Variants in ADAMTS12 observed in about 807,000 individuals in gnomAD.
ADAMTS12 encodes the protein ADAM metallopeptidase with thrombospondin type 1 motif 12.
Under a neutral mutation model 167.8 loss-of-function variants are expected in ADAMTS12, and 118 were observed. The ratio of observed to expected loss-of-function variants is 0.70; its 90% CI spans 0.61 to 0.82. The LOEUF is 0.82. ADAMTS12 is among the 40% of genes least tolerant of loss of function. ADAMTS12 has a pLI of 0.00. For missense variants in ADAMTS12, 1,916 were observed against 1,998.8 expected, an observed-to-expected ratio of 0.96 and a Z score of 0.79; for synonymous variants, 704 against 716.9, an observed-to-expected ratio of 0.98 and a Z score of 0.29.
intron 3 of ADAMTS12, among the ~76,000 whole-genome samples, chr5:33,718,417 C>T (rs948800162): frequency 6.6e-6 from 1 of 152,174 alleles, no homozygotes; most frequent in Non-Finnish European, 1.5e-5. Flanking sequence ...TGCCTCCTAT[C>T]AGATCAGCAG....
In ADAMTS12 at chr5:33,576,333, A is replaced by G. The variant is rs746767956; in HGVS notation, c.3693T>C (p.Thr1231=). 2.5e-6 allele frequency: 4 copies of G among 1,614,146 alleles called. No homozygotes were observed. The highest frequency in any genetic ancestry group is 8.5e-7 in the Non-Finnish European group (1 of 1,180,012). Residue 1231 remains threonine (T), a synonymous_variant, in exon 19 of 24, where the codon ACT becomes ACC. Coordinates refer to ENST00000504830, the MANE Select transcript of ADAMTS12 (RefSeq NM_030955.4). ...CCATCCCCTCAACTCTGGGTGTCCC[A>G]GTTTCGGAAGTAGTGGGCCTTTGGC... ...LPSQRPTTSE[T]GTPRVEGMVT...
chr5:33,649,773 A>G (rs766670892), intron 7 of ADAMTS12, 76 bp from the exon 8 acceptor site: 22 of 1,558,148 alleles, frequency 1.4e-5, no homozygotes, highest in Non-Finnish European at 1.8e-5. Flanking sequence ...AGTTTCCCTA[A>G]GAGCGTAATA....
chr5:33,716,156 G>A (rs987592121), intron 3 of ADAMTS12, among the ~76,000 whole-genome samples: 2 of 152,034 alleles, frequency 1.3e-5, no homozygotes, highest in African/African-American at 4.8e-5. Flanking sequence ...AATGGGATTA[G>A]TGCCCTTATA....
chr5:33,849,912 A>G (rs1749158279), intron 2 of ADAMTS12, among the ~76,000 whole-genome samples: 1 of 151,986 alleles, frequency 6.6e-6, no homozygotes, highest in Admixed American at 6.6e-5. Flanking sequence ...ACCTACATAT[A>G]GATAGCATGT....
intron 11 of ADAMTS12, among the ~76,000 whole-genome samples, chr5:33,640,302 G>A (rs1280591562): frequency 6.6e-6 from 1 of 152,192 alleles, no homozygotes; most frequent in African/African-American, 2.4e-5. Context: ...TTGGAGATGA[G>A]AATTAGAACT....
intron 5 of ADAMTS12, among the ~76,000 whole-genome samples, chr5:33,664,408 A>G (rs1045699584): frequency 6.6e-6 from 1 of 152,198 alleles, no homozygotes; most frequent in Admixed American, 6.5e-5. Context: ...TAAAAAAGCA[A>G]TTCACTGAAG....
At chr5:33,827,548 T>A (rs1205338808) in intron 2 of ADAMTS12, among the ~76,000 whole-genome samples, 1 of 152,156 alleles carries the variant, frequency 6.6e-6, no homozygotes, top group Non-Finnish European at 1.5e-5. Flanking sequence ...TGTGGTAGCT[T>A]ATTATGCAGC....
intron 3 of ADAMTS12, among the ~76,000 whole-genome samples, chr5:33,695,193 G>C (rs1283435884): frequency 6.6e-6 from 1 of 152,190 alleles, no homozygotes; most frequent in Non-Finnish European, 1.5e-5. Context: ...CTTGTTTTCA[G>C]TTAAGGTTTA....
chr5:33,832,457 T>C (rs1220640752), intron 2 of ADAMTS12, among the ~76,000 whole-genome samples: 1 of 152,182 alleles, frequency 6.6e-6, no homozygotes, highest in African/African-American at 2.4e-5. Flanking sequence ...ATATGAAAAC[T>C]GAAAATAATC....
intron 9 of ADAMTS12, among the ~76,000 whole-genome samples, chr5:33,646,036 C>A (rs899283164): frequency 6.6e-6 from 1 of 152,018 alleles, no homozygotes; most frequent in East Asian, 1.9e-4. Context: ...GGGATGGTTC[C>A]AAGGAACCAC....
intron 2 of ADAMTS12, among the ~76,000 whole-genome samples, chr5:33,861,276 A>C (rs563926497): frequency 6.6e-6 from 1 of 152,346 alleles, no homozygotes; most frequent in South Asian, 2.1e-4. Context: ...CGCTGTATTC[A>C]GAAGACCAAT....
chr5:33,530,065 A>C (rs1046228844), intron 23 of ADAMTS12, among the ~76,000 whole-genome samples: 6 of 149,750 alleles, frequency 4.0e-5, no homozygotes, highest in Admixed American at 3.3e-4. Flanking sequence ...GCCTACAGGC[A>C]TGTGCCACCA....
At chr5:33,744,517 A>G (rs1171942194) in intron 3 of ADAMTS12, among the ~76,000 whole-genome samples, 2 of 152,102 alleles carry the variant, frequency 1.3e-5, no homozygotes, top group African/African-American at 4.8e-5. Flanking sequence ...ATATGATTTG[A>G]TTTGTGTTTT....
chr5:33,596,064 G>A lies in ADAMTS12; in HGVS notation c.2528-4C>T, dbSNP rs963472561. 2 of 1,613,630 alleles carry A rather than the reference G, an allele frequency of 1.2e-6. No individual in the cohort carries two copies. The highest frequency in any genetic ancestry group is 1.7e-6 in the Non-Finnish European group (2 of 1,179,846). The stretch of plus-strand genomic sequence containing the variant: ...TGGGCAGTTTGGCGGCGGATACCTG[G>A]GGGTCAGACAGAAAGATTCACACAT... On this transcript the variant is annotated splice_polypyrimidine_tract_variant and splice_region_variant and intron_variant, in intron 16 of 23. Transcript: ENST00000504830.
intron 3 of ADAMTS12, among the ~76,000 whole-genome samples, chr5:33,749,488 G>A (rs1744902424): frequency 6.6e-6 from 1 of 152,084 alleles, no homozygotes; most frequent in Non-Finnish European, 1.5e-5. Flanking sequence ...CTGACACTCT[G>A]GGGTACTAAG....
chr5:33,814,698 A>C (rs931801365), intron 2 of ADAMTS12, among the ~76,000 whole-genome samples: 1 of 152,198 alleles, frequency 6.6e-6, no homozygotes, highest in Non-Finnish European at 1.5e-5. Flanking sequence ...GGGAAAAAGA[A>C]AGAACTGGAA....
chr5:33,765,845 A>T (rs1053752012), intron 2 of ADAMTS12, among the ~76,000 whole-genome samples: 5 of 152,232 alleles, frequency 3.3e-5, no homozygotes, highest in Admixed American at 1.3e-4. Context: ...ACTTAATTTC[A>T]TAAGATTAAA....
chr5:33,670,904 T>C (rs1741665480), intron 5 of ADAMTS12, among the ~76,000 whole-genome samples: 1 of 152,210 alleles, frequency 6.6e-6, no homozygotes, highest in Non-Finnish European at 1.5e-5. Context: ...AGCTAAAAAC[T>C]GGAAACAACC....
At position 33,657,743 on chromosome 5, in the gene ADAMTS12, G is replaced by A. The variant is rs191256907; in HGVS notation, c.1190+441C>T. Among the ~76,000 whole-genome samples the A allele has an allele frequency of 3.9e-5, 6 of 152,264 alleles. No homozygotes were observed. In the East Asian group the frequency reaches 7.7e-4, roughly 20 times the overall value. On this transcript the variant is annotated intron_variant, in intron 7 of 23. Transcript: ENST00000504830. ...CTAACAGTACCATCTATTTCAAGAG[G>A]TTGTTAAGCAGATTCAATGATGCAA...
Sources: allele counts gnomAD v4.1 joint callset (sites outside exome capture counted in the v4.1 genomes callset), GRCh38; gene constraint gnomAD v4.1.1; transcripts MANE v1.5; gene names NCBI Gene and HGNC (gene_info 2026-07-23, HGNC 2026-07-21).